Variants in TCF4 observed in about 807,000 individuals in gnomAD.
The protein encoded by TCF4 is SL3-3 enhancer factor 2.
Under a neutral mutation model 82.1 loss-of-function variants are expected in TCF4, and 3 were observed. The ratio of observed to expected loss-of-function variants is 0.04; its 90% CI spans 0.02 to 0.09. TCF4 has a LOEUF of 0.09. Among genes scored for constraint, TCF4 ranks in the 10% least tolerant of loss-of-function variants. The pLI is 1.00. For synonymous variants in TCF4, 276 were observed against 309.6 expected (o/e 0.89, Z 1.14); for missense variants, 518 against 852.7 (o/e 0.61, Z 4.89).
chr18:55,564,597 A>G (rs1285276765), intron 3 of TCF4, among the ~76,000 whole-genome samples: 2 of 152,208 alleles, frequency 1.3e-5, no homozygotes, highest in African/African-American at 4.8e-5. Context: ...GGTGCATGGC[A>G]GTGTCATTTC....
chr18:55,484,546 GT>G (rs1321287307), intron 3 of TCF4, among the ~76,000 whole-genome samples: 1 of 152,186 alleles, frequency 6.6e-6, no homozygotes, highest in African/African-American at 2.4e-5. Context: ...TTCAGTCCAA[GT>G]TGCTAAAATC....
At chr18:55,536,277 T>A (rs1465141660) in intron 3 of TCF4, among the ~76,000 whole-genome samples, 1 of 152,224 alleles carries the variant, frequency 6.6e-6, no homozygotes, top group African/African-American at 2.4e-5. Context: ...AGAAAACAAT[T>A]ACTCTTGAAA....
At chr18:55,601,137 A>G (rs2097696432) in intron 2 of TCF4, among the ~76,000 whole-genome samples, 1 of 152,254 alleles carries the variant, frequency 6.6e-6, no homozygotes, top group South Asian at 2.1e-4. Flanking sequence ...CTCAAAAGAA[A>G]TAAGTGCTGT....
chr18:55,492,873 A>G (rs1189000924), intron 3 of TCF4, among the ~76,000 whole-genome samples: 2 of 152,196 alleles, frequency 1.3e-5, no homozygotes, highest in African/African-American at 4.8e-5. Context: ...GCTCTGCTCT[A>G]TACTCACTGG....
chr18:55,476,408 A>G (rs560339680), intron 3 of TCF4, among the ~76,000 whole-genome samples: 1 of 152,352 alleles, frequency 6.6e-6, no homozygotes, highest in South Asian at 2.1e-4. Context: ...TATAATCAAT[A>G]TAAGGTAGAA....
chr18:55,260,855 T>A (rs1322693963), intron 12 of TCF4, among the ~76,000 whole-genome samples: 1 of 152,170 alleles, frequency 6.6e-6, no homozygotes, highest in African/African-American at 2.4e-5. Context: ...CCACACTACC[T>A]GGCCCTCCAC....
chr18:55,481,218 C>T (rs1000334975), intron 3 of TCF4, among the ~76,000 whole-genome samples: 1 of 152,020 alleles, frequency 6.6e-6, no homozygotes, highest in Non-Finnish European at 1.5e-5. Context: ...TCTCTAACTC[C>T]ATTTCAATTT....
chr18:55,420,031 G>A (rs2094675081), intron 5 of TCF4, among the ~76,000 whole-genome samples: 1 of 152,094 alleles, frequency 6.6e-6, no homozygotes, highest in South Asian at 2.1e-4. Flanking sequence ...CTATTACAGA[G>A]TTCAATAACT....
chr18:55,322,736 G>C (rs555996284), intron 8 of TCF4, among the ~76,000 whole-genome samples: 39 of 152,232 alleles, frequency 2.6e-4, no homozygotes, highest in Non-Finnish European at 4.7e-4. Flanking sequence ...TCTCCACTCT[G>C]GAGTTGGGTG....
intron 9 of TCF4, among the ~76,000 whole-genome samples, chr18:55,276,025 G>T (rs902866857): frequency 1.3e-5 from 2 of 152,094 alleles, no homozygotes; most frequent in Non-Finnish European, 2.9e-5. Flanking sequence ...ATGTCAAGTC[G>T]CAAGGTAATT....
intron 18 of TCF4, 43 bp from the exon 19 acceptor site, chr18:55,228,404 C>CA (rs780935015): frequency 3.1e-6 from 5 of 1,610,194 alleles, no homozygotes; most frequent in Non-Finnish European, 4.2e-6. Flanking sequence ...AATGCTGAGG[C>CA]TTCTGGCAGA....
chr18:55,458,386 A>G (rs2095807821), intron 5 of TCF4, among the ~76,000 whole-genome samples: 1 of 152,256 alleles, frequency 6.6e-6, no homozygotes, highest in Admixed American at 6.5e-5. Flanking sequence ...GGTAGAAGGA[A>G]AATATCCACA....
intron 3 of TCF4, among the ~76,000 whole-genome samples, chr18:55,519,230 C>T (rs1414660378): frequency 2.0e-5 from 3 of 151,948 alleles, no homozygotes; most frequent in Non-Finnish European, 2.9e-5. Context: ...CCTGGGAGTT[C>T]GAGACCAGCC....
intron 8 of TCF4, chr18:55,322,483 AG>A: frequency 1.0e-6 from 1 of 1,001,192 alleles, no homozygotes; most frequent in Non-Finnish European, 1.2e-6. Flanking sequence ...AAAAGGAGAG[AG>A]GGGGCAGTGT....
chr18:55,586,267 T>C (rs2097650376), intron 2 of TCF4: 1 of 893,238 alleles, frequency 1.1e-6, no homozygotes, highest in South Asian at 1.4e-5. Flanking sequence ...TGGATTTTAT[T>C]TGTGTGTTTT....
chr18:55,634,398 C>G (rs1484683315), intron 1 of TCF4, among the ~76,000 whole-genome samples: 8 of 151,776 alleles, frequency 5.3e-5, no homozygotes, highest in Non-Finnish European at 1.5e-5. Context: ...ATATTTGTTT[C>G]TGTTTTTTTA....
chr18:55,251,932 T>TG (rs1555756501), intron 15 of TCF4, among the ~76,000 whole-genome samples: 2,303 of 143,402 alleles, frequency 0.016, 57 homozygotes, highest in African/African-American at 0.055. Flanking sequence ...GGGATGAGGT[T>TG]TTTTTTTTTT....
intron 8 of TCF4, among the ~76,000 whole-genome samples, chr18:55,293,110 A>T (rs1365821786): frequency 6.6e-6 from 1 of 152,178 alleles, no homozygotes; most frequent in African/African-American, 2.4e-5. Context: ...CAAAATGGTT[A>T]ATTTTACATT....
intron 2 of TCF4, among the ~76,000 whole-genome samples, chr18:55,622,172 C>G (rs1353454480): frequency 1.1e-5 from 1 of 89,722 alleles, no homozygotes; most frequent in Non-Finnish European, 2.2e-5. Flanking sequence ...CACACACACA[C>G]GCACTCACAC....
Sources: gnomAD v4.1 joint callset for allele counts (sites outside exome capture counted in the v4.1 genomes callset) on GRCh38, gnomAD v4.1.1 for gene constraint, MANE v1.5 for transcripts, NCBI Gene and HGNC (gene_info 2026-07-23, HGNC 2026-07-21) for gene names.